Variants in VWA8 observed in about 807,000 individuals in gnomAD.
The protein encoded by VWA8 is von Willebrand factor A domain containing 8.
Under a neutral mutation model 241.5 loss-of-function variants are expected in VWA8, and 221 were observed. The observed-to-expected ratio is 0.91, with a 90% CI of 0.82 to 1.02. The LOEUF is 1.02. Ranked by LOEUF, VWA8 falls within the 50% of genes least tolerant of loss-of-function variation. The pLI is 0.00. For synonymous variants in VWA8, 852 were observed against 827.1 expected, an observed-to-expected ratio of 1.03 and a Z score of -0.52; for missense variants, 2,322 against 2,328.7, an observed-to-expected ratio of 1.00 and a Z score of 0.06.
intron 6 of VWA8, 80 bp from the exon 7 acceptor site, chr13:41,886,910 C>A: frequency 8.8e-7 from 1 of 1,130,254 alleles, no homozygotes; most frequent in Non-Finnish European, 1.3e-6. Context: ...AGATACAATC[C>A]AACCTTTTAA....
chr13:41,754,688 C>T (rs1470656501), intron 21 of VWA8, among the ~76,000 whole-genome samples: 1 of 152,084 alleles, frequency 6.6e-6, no homozygotes, highest in Non-Finnish European at 1.5e-5. Flanking sequence ...GCAAATACTA[C>T]ATCATATGTA....
intron 12 of VWA8, among the ~76,000 whole-genome samples, chr13:41,842,382 A>T (rs965239396): frequency 3.9e-5 from 6 of 152,172 alleles, no homozygotes; most frequent in Admixed American, 2.0e-4. Flanking sequence ...AACTATTTTT[A>T]ACCTGTAGCA....
At chr13:41,612,309 T>C (rs997904172) in intron 38 of VWA8, among the ~76,000 whole-genome samples, 1 of 152,236 alleles carries the variant, frequency 6.6e-6, no homozygotes, top group Non-Finnish European at 1.5e-5. Context: ...TTAGCCAAGA[T>C]TAGAAGCCAA....
rs2045465410 is a variant in VWA8 at position 41,729,636 on chromosome 13, CT to C, written c.2543del (p.Glu848GlyfsTer13). The C allele has an allele frequency of 6.2e-7, 1 of 1,612,854 alleles. No individual in the cohort carries two copies. Among genetic ancestry groups the C allele is most frequent in the African/African-American group, 1.3e-5 (1 of 74,940 alleles). ...TGACATTTGTTGGAGCTTTGTCAGC[CT>C]CATCTACTACCAGAATATGACCCAA... ...VKLGHILVVD[E>X]ADKAPTNVTC... is the part of the protein sequence containing the mutation. On this transcript the variant is annotated frameshift_variant, in exon 23 of 45. Transcript: ENST00000379310. LOFTEE classifies it high-confidence loss of function.
rs1837598226 is a variant in VWA8, at chr13:41,833,483, C to A, written c.1474G>T (p.Gly492Ter). Reference protein sequence around the residue: ...LLQQRYTLPNGDTAWRSSPLV... With the variant: ...LLQQRYTLPN Reference sequence around the variant, plus strand: ...GGTGAGGACCGCCAGGCAGTGTCTCCATTTGGAAGGGTGTATCTCTGCTGT... The same window carrying A: ...GGTGAGGACCGCCAGGCAGTGTCTCAATTTGGAAGGGTGTATCTCTGCTGT... The change falls in exon 13 of 45, where the codon GGA (glycine) becomes TGA (stop). Residue 492 changes from glycine to a stop codon, truncating the protein, a stop_gained. Transcript: ENST00000379310. LOFTEE classifies it high-confidence loss of function. The A allele has an allele frequency of 1.2e-6, 2 of 1,613,752 alleles. No homozygotes were observed. Among genetic ancestry groups the A allele is most frequent in the African/African-American group, 1.3e-5 (1 of 74,920 alleles).
intron 3 of VWA8, among the ~76,000 whole-genome samples, chr13:41,908,485 C>T (rs1875832292): frequency 6.6e-6 from 1 of 151,330 alleles, no homozygotes. Flanking sequence ...GGAAAAAAAA[C>T]AAACAAACCC....
chr13:41,605,270 C>T lies in VWA8; in HGVS notation c.4884G>A (p.Lys1628=). 1 of 1,612,754 alleles carries T rather than the reference C, an allele frequency of 6.2e-7. No homozygotes were observed. ...CATCGTATTCACTCATTTGGATCTC[C>T]TTTAGCCTGAAATCAGAAGAGTATA... ...MGQRAFQQRL[K]EIQMSEYDAA... The change falls in exon 40 of 45, where the codon AAG becomes AAA. Residue 1628 remains lysine (K), a synonymous_variant. Transcript: ENST00000379310.
At position 41,721,578 on chromosome 13, in the gene VWA8, A is replaced by G. The variant is rs200619860; in HGVS notation, c.2759-3T>C. ...TGCATGGCAGCTAAAAATATCACCT[A>G]AAGGAGAGAAAAGATTCACATTCAG... is the stretch of plus-strand genomic sequence containing the variant. On this transcript the variant is annotated splice_region_variant and splice_polypyrimidine_tract_variant and intron_variant, in intron 24 of 44. Transcript: ENST00000379310. 36 of 1,604,664 alleles carry G rather than the reference A, an allele frequency of 2.2e-5. No homozygotes were observed. The African/African-American group carries it at 4.2e-4, about 19-fold the overall frequency.
At chr13:41,763,383 C>T (rs534806584) in intron 20 of VWA8, among the ~76,000 whole-genome samples, 4 of 151,914 alleles carry the variant, frequency 2.6e-5, no homozygotes, top group African/African-American at 9.7e-5. Flanking sequence ...TGATTTATTT[C>T]GCCTACAAAA....
chr13:41,776,113 C>A (rs1868580506), intron 20 of VWA8, among the ~76,000 whole-genome samples: 1 of 152,176 alleles, frequency 6.6e-6, no homozygotes, highest in Non-Finnish European at 1.5e-5. Context: ...TAAAAACCTG[C>A]ACCTTAGAAA....
intron 14 of VWA8, among the ~76,000 whole-genome samples, chr13:41,824,747 G>A (rs1348490292): frequency 6.6e-6 from 1 of 151,926 alleles, no homozygotes; most frequent in Non-Finnish European, 1.5e-5. Flanking sequence ...GAGCCCAGGA[G>A]TTTGAGGTTG....
chr13:41,891,735 T>C, intron 4 of VWA8, 148 bp from the exon 5 acceptor site: 1 of 830,444 alleles, frequency 1.2e-6, no homozygotes. Flanking sequence ...TTTTGCTTTT[T>C]CTGCCTATAT....
At chr13:41,662,540 CT>C (rs1438337984) in intron 37 of VWA8, among the ~76,000 whole-genome samples, 165 of 122,068 alleles carry the variant, frequency 1.4e-3, no homozygotes, top group South Asian at 2.3e-3. Context: ...TTTGTTTTGT[CT>C]TTTTTTTTTT....
chr13:41,829,640 T>C (rs966078869), intron 14 of VWA8, among the ~76,000 whole-genome samples: 4 of 151,846 alleles, frequency 2.6e-5, no homozygotes, highest in African/African-American at 9.7e-5. Context: ...TGCAGCAACT[T>C]GGATGGAGCT....
intron 37 of VWA8, among the ~76,000 whole-genome samples, chr13:41,634,220 C>T (rs1202123212): frequency 6.6e-6 from 1 of 152,078 alleles, no homozygotes; most frequent in East Asian, 1.9e-4. Context: ...TAGGGTGGCA[C>T]CAGACTTTCC....
At chr13:41,586,836 A>G (rs1280002947) in intron 42 of VWA8, among the ~76,000 whole-genome samples, 5 of 152,126 alleles carry the variant, frequency 3.3e-5, no homozygotes, top group Admixed American at 3.3e-4. Context: ...TTTTGATAAT[A>G]ATTACATGGC....
At chr13:41,919,825 C>T (rs1876428388) in intron 2 of VWA8, among the ~76,000 whole-genome samples, 1 of 152,084 alleles carries the variant, frequency 6.6e-6, no homozygotes, top group African/African-American at 2.4e-5. Context: ...TGTACCCTGC[C>T]TCTCAGGGAC....
intron 3 of VWA8, among the ~76,000 whole-genome samples, chr13:41,911,062 C>CTTT (rs5803108): frequency 1.3e-4 from 13 of 97,934 alleles, no homozygotes; most frequent in Non-Finnish European, 1.5e-4. Context: ...CATTTTCTTT[C>CTTT]TTTTTTTTTT....
chr13:41,885,384 A>G (rs1177459871), intron 8 of VWA8, among the ~76,000 whole-genome samples: 1 of 152,196 alleles, frequency 6.6e-6, no homozygotes, highest in Non-Finnish European at 1.5e-5. Flanking sequence ...AGATCCCCTC[A>G]GATCTGTTTG....
Sources: allele counts gnomAD v4.1 joint callset (sites outside exome capture counted in the v4.1 genomes callset), GRCh38; gene constraint gnomAD v4.1.1; transcripts MANE v1.5; gene names NCBI Gene and HGNC (gene_info 2026-07-23, HGNC 2026-07-21).